AHCY: variants seen among roughly 807,000 people sequenced by gnomAD.
AHCY encodes the protein S-adenosyl-L-homocysteine hydrolase.
In AHCY, 24 loss-of-function variants were observed where a neutral mutation model predicts 45.4. That is an observed-to-expected ratio of 0.53 (90% CI 0.38 to 0.74). The LOEUF is 0.74. AHCY is among the 30% of genes least tolerant of loss of function. The probability of loss-of-function intolerance (pLI) is 0.00; values close to 1 mark genes in which losing one functional copy is unlikely to be tolerated. For missense variants in AHCY, 449 were observed against 594.1 expected (o/e 0.76, Z 2.54); for synonymous variants, 245 against 235.1 (o/e 1.04, Z -0.39).
At chr20:34,287,823 ATT>A (rs1568792420) in intron 8 of AHCY, among the ~76,000 whole-genome samples, 1 of 152,186 alleles carries the variant, frequency 6.6e-6, no homozygotes, top group Non-Finnish European at 1.5e-5. Context: ...GGAGTGGTCA[ATT>A]ATGGCCTGAG....
At chr20:34,262,901 C>A in the AHCY span, 1 of 1,613,870 alleles carries the variant, frequency 6.2e-7, no homozygotes, top group Non-Finnish European at 8.5e-7. Context: ...AAGGTAAGGG[C>A]AGGGAAGTTC....
At chr20:34,302,006 G>GTTTTT in intron 1 of AHCY, 2 of 833,126 alleles carry the variant, frequency 2.4e-6, no homozygotes, top group Non-Finnish European at 2.9e-6. Flanking sequence ...TTTTTTGTTT[G>GTTTTT]TTTTTTTTTT....
the AHCY span, among the ~76,000 whole-genome samples, chr20:34,245,214 A>G: frequency 2.0e-5 from 3 of 150,594 alleles, no homozygotes; most frequent in Admixed American, 6.6e-5. Flanking sequence ...GGCGCCTGTA[A>G]TCCCAGCTAC....
chr20:34,267,034 C>A, the AHCY span, among the ~76,000 whole-genome samples: 2 of 152,132 alleles, frequency 1.3e-5, no homozygotes, highest in Admixed American at 6.5e-5. Context: ...CTTTTCTAGG[C>A]CTATTTTGTT....
the AHCY span, among the ~76,000 whole-genome samples, chr20:34,235,895 A>G: frequency 1.2e-5 from 1 of 80,720 alleles, no homozygotes; most frequent in African/African-American, 1.3e-4. Context: ...GGAAGGAAGG[A>G]AGGAAAGGAA....
rs76651346 is a variant in AHCY, at chr20:34,309,333, C to T, written c.-57+2139G>A. Among the ~76,000 whole-genome samples the T allele has an allele frequency of 3.1e-3, 473 of 152,242 alleles. 3 individuals carry two copies. Among genetic ancestry groups the T allele is most frequent in the African/African-American group, 0.011 (449 of 41,536 alleles). On this transcript the variant is annotated intron_variant, in intron 1 of 9. Transcript: ENST00000538132. ...CTCTGTTTTCCATACATACACACTT[C>T]GGAGTGCTATGTTTTCTTAGTGGAT...
At chr20:34,305,832 C>T (rs1473218857), upstream of AHCY, among the ~76,000 whole-genome samples, 1 of 152,068 alleles carries the variant, frequency 6.6e-6, no homozygotes, top group Non-Finnish European at 1.5e-5. Flanking sequence ...CCTGTAATCC[C>T]AGCACTTTGG....
At chr20:34,246,144 G>A in the AHCY span, 1 of 981,052 alleles carries the variant, frequency 1.0e-6, no homozygotes, top group Non-Finnish European at 1.6e-6. Flanking sequence ...AAAGTTGCAA[G>A]GCCACACACT....
chr20:34,285,159 G>A lies in AHCY; in HGVS notation c.1167+281C>T, dbSNP rs569581228. Among the ~76,000 whole-genome samples, 29 of 152,322 alleles carry A rather than the reference G, an allele frequency of 1.9e-4. No homozygotes were observed. In the South Asian group the frequency reaches 6.0e-3, roughly 32 times the overall value. The stretch of plus-strand genomic sequence containing the variant: ...GCCTGGATTACACAGCCTGTAAGTG[G>A]TGGGGCTGAGATTCAAACTGGGGTG... On this transcript the variant is annotated intron_variant, in intron 9 of 9. Transcript: ENST00000217426.
intron 1 of AHCY, among the ~76,000 whole-genome samples, chr20:34,298,406 G>C (rs1291399610): frequency 6.6e-6 from 1 of 152,100 alleles, no homozygotes; most frequent in South Asian, 2.1e-4. Flanking sequence ...GGAGCTGAGG[G>C]GACATAGTGA....
At chr20:34,289,472 C>CTTT (rs762670836) in intron 8 of AHCY, among the ~76,000 whole-genome samples, 8 of 106,390 alleles carry the variant, frequency 7.5e-5, no homozygotes, top group African/African-American at 1.6e-4. Context: ...TGTACCTGGC[C>CTTT]TTTTTTTTTT....
intron 1 of AHCY, 143 bp downstream of exon 1, chr20:34,303,100 C>G (rs979575723): frequency 2.0e-6 from 3 of 1,478,346 alleles, no homozygotes; most frequent in South Asian, 1.3e-5. Flanking sequence ...CAACTTCCAG[C>G]TGGCTTCGCG....
chr20:34,248,913 T>C, the AHCY span, among the ~76,000 whole-genome samples: 1 of 148,372 alleles, frequency 6.7e-6, no homozygotes, highest in Non-Finnish European at 1.5e-5. Flanking sequence ...AAAAATCTAA[T>C]AATTCATCAG....
chr20:34,272,568 A>C, the AHCY span, among the ~76,000 whole-genome samples: 2 of 152,112 alleles, frequency 1.3e-5, no homozygotes, highest in African/African-American at 4.8e-5. Context: ...GGGCTCAATT[A>C]ATTTGTTGGA....
At chr20:34,274,622 C>G in the AHCY span, among the ~76,000 whole-genome samples, 3 of 151,998 alleles carry the variant, frequency 2.0e-5, no homozygotes, top group South Asian at 6.2e-4. Flanking sequence ...CTCAAGAGGC[C>G]ATGAGAGGTA....
chr20:34,305,127 A>G (rs1367447727), upstream of AHCY, among the ~76,000 whole-genome samples: 2 of 149,024 alleles, frequency 1.3e-5, no homozygotes, highest in African/African-American at 5.0e-5. Context: ...CATCCTGGCT[A>G]ACAGGGTAAA....
the AHCY span, among the ~76,000 whole-genome samples, chr20:34,249,343 A>G: frequency 6.8e-6 from 1 of 147,150 alleles, no homozygotes; most frequent in South Asian, 2.3e-4. Context: ...CCACTGAGAT[A>G]TCCGATGCCC....
At chr20:34,302,671 T>C in intron 1 of AHCY, 3 of 986,334 alleles carry the variant, frequency 3.0e-6, no homozygotes, top group Non-Finnish European at 2.4e-6. Context: ...TTCTTCGAGA[T>C]TTCTGCAAGG....
At chr20:34,251,596 T>A in the AHCY span, among the ~76,000 whole-genome samples, 1 of 152,204 alleles carries the variant, frequency 6.6e-6, no homozygotes, top group Admixed American at 6.5e-5. Flanking sequence ...CTATTTAAGC[T>A]GCCCAGTGGC....
Sources: gnomAD v4.1 joint callset for allele counts (sites outside exome capture counted in the v4.1 genomes callset) on GRCh38, gnomAD v4.1.1 for gene constraint, MANE v1.5 for transcripts, NCBI Gene and HGNC (gene_info 2026-07-23, HGNC 2026-07-21) for gene names.